The following EDC3 variants were observed in gnomAD, a reference collection of about 807,000 sequenced individuals.
The protein encoded by EDC3 is enhancer of mRNA decapping 3.
In EDC3, 20 loss-of-function variants were observed where a neutral mutation model predicts 41.8. The ratio of observed to expected loss-of-function variants is 0.48; its 90% CI spans 0.34 to 0.70. The LOEUF is 0.70. Ranked by LOEUF, EDC3 falls within the 30% of genes least tolerant of loss-of-function variation. EDC3 has a pLI of 0.01. For synonymous variants in EDC3, 206 were observed against 243.2 expected (o/e 0.85, Z 1.42); for missense variants, 444 against 636.8 (o/e 0.70, Z 3.26).
chr15:74,639,503 A>G (rs941790833), intron 5 of EDC3: 1 of 152,204 alleles, frequency 6.6e-6, no homozygotes, highest in African/African-American at 2.4e-5. Flanking sequence ...ACCTGAGGCC[A>G]AGAGTTTGGG....
chr15:74,669,531 T>C (rs1870771473), intron 3 of EDC3, among the ~76,000 whole-genome samples: 1 of 149,428 alleles, frequency 6.7e-6, no homozygotes, highest in South Asian at 2.1e-4. Flanking sequence ...AAAAAATTAG[T>C]TTTAATTTAG....
intron 4 of EDC3, among the ~76,000 whole-genome samples, chr15:74,651,513 A>G (rs1446860109): frequency 6.6e-6 from 1 of 152,260 alleles, no homozygotes; most frequent in Non-Finnish European, 1.5e-5. Context: ...AGTGAATAAT[A>G]GCTTATGTAC....
intron 3 of EDC3, among the ~76,000 whole-genome samples, chr15:74,662,345 A>C (rs1692000764): frequency 6.6e-6 from 1 of 152,106 alleles, no homozygotes; most frequent in Admixed American, 6.6e-5. Context: ...TGTCATTCAT[A>C]CCTGTCACCC....
At chr15:74,675,970 G>A (rs1294920790) in intron 1 of EDC3, among the ~76,000 whole-genome samples, 1 of 151,914 alleles carries the variant, frequency 6.6e-6, no homozygotes, top group Non-Finnish European at 1.5e-5. Context: ...TCCTTTTCAA[G>A]TCTACATAGA....
chr15:74,672,453 A>C, intron 2 of EDC3, among the ~76,000 whole-genome samples: 2 of 152,130 alleles, frequency 1.3e-5, no homozygotes. Flanking sequence ...GTATATAGAG[A>C]TGAAAACCAC....
At chr15:74,656,498 C>T (rs1288661321) in intron 3 of EDC3, among the ~76,000 whole-genome samples, 2 of 151,942 alleles carry the variant, frequency 1.3e-5, no homozygotes, top group East Asian at 1.9e-4. Context: ...AAGCAGTACT[C>T]CTGGAAATCT....
chr15:74,694,083 T>G (rs1036661663), intron 1 of EDC3, among the ~76,000 whole-genome samples: 2 of 152,208 alleles, frequency 1.3e-5, no homozygotes, highest in Admixed American at 1.3e-4. Context: ...TTGGATGTCC[T>G]GTCCTGTTGT....
At chr15:74,670,879 A>G (rs944595275) in intron 3 of EDC3, among the ~76,000 whole-genome samples, 81 of 152,338 alleles carry the variant, frequency 5.3e-4, no homozygotes, top group African/African-American at 1.8e-3. Context: ...AGAAAATCAA[A>G]GATCACAGAG....
chr15:74,654,880 T>C (rs2062526905), intron 4 of EDC3, among the ~76,000 whole-genome samples: 1 of 152,240 alleles, frequency 6.6e-6, no homozygotes, highest in Admixed American at 6.5e-5. Flanking sequence ...AAGATTTATA[T>C]TCCTTATATT....
intron 5 of EDC3, chr15:74,636,267 C>T (rs914874965): frequency 6.5e-6 from 1 of 154,106 alleles, no homozygotes; most frequent in African/African-American, 2.4e-5. Flanking sequence ...GAAAGCAATG[C>T]TGCAGGCATT....
At chr15:74,648,517 T>C (rs2062443020) in intron 4 of EDC3, among the ~76,000 whole-genome samples, 1 of 152,160 alleles carries the variant, frequency 6.6e-6, no homozygotes. Context: ...AACAAATCAT[T>C]TGTGGCTTCA....
At chr15:74,676,342 T>TA (rs532635604) in intron 1 of EDC3, among the ~76,000 whole-genome samples, 25 of 151,890 alleles carry the variant, frequency 1.6e-4, no homozygotes, top group Middle Eastern at 3.4e-3. Flanking sequence ...TAAGTATTAG[T>TA]AAAAAAAGAA....
At chr15:74,650,099 T>C (rs1404753377) in intron 4 of EDC3, among the ~76,000 whole-genome samples, 1 of 152,214 alleles carries the variant, frequency 6.6e-6, no homozygotes, top group South Asian at 2.1e-4. Context: ...AACTACATCA[T>C]GAGCATGACT....
chr15:74,676,033 A>G (rs1024772587), intron 1 of EDC3, among the ~76,000 whole-genome samples: 4 of 152,222 alleles, frequency 2.6e-5, no homozygotes, highest in Admixed American at 2.6e-4. Flanking sequence ...ATTTAAAAAG[A>G]CTGAGATCAC....
chr15:74,672,373 G>A (rs1472343203), intron 2 of EDC3, among the ~76,000 whole-genome samples: 1 of 150,962 alleles, frequency 6.6e-6, no homozygotes, highest in African/African-American at 2.4e-5. Flanking sequence ...TCACTCCCTC[G>A]CTCATTCAAC....
At chr15:74,673,204 A>C (rs1018625198) in intron 2 of EDC3, among the ~76,000 whole-genome samples, 2 of 152,188 alleles carry the variant, frequency 1.3e-5, no homozygotes, top group African/African-American at 4.8e-5. Flanking sequence ...CAGTGGTACC[A>C]GTTAGAAGAC....
chr15:74,679,410 C>T (rs1318189149), intron 1 of EDC3, among the ~76,000 whole-genome samples: 1 of 152,028 alleles, frequency 6.6e-6, no homozygotes, highest in Non-Finnish European at 1.5e-5. Flanking sequence ...TAGGTCCCTA[C>T]TCCTAGAATG....
chr15:74,680,990 A>G (rs147835969), intron 1 of EDC3, among the ~76,000 whole-genome samples: 95 of 152,326 alleles, frequency 6.2e-4, no homozygotes, highest in African/African-American at 2.1e-3. Context: ...AATATAACAG[A>G]TATAACATGT....
chr15:74,649,855 A>C (rs2062460315), intron 4 of EDC3, among the ~76,000 whole-genome samples: 1 of 120,248 alleles, frequency 8.3e-6, no homozygotes. Context: ...GCAGGAGGGA[A>C]AAAAAGGGGG....
Sources: allele counts gnomAD v4.1 joint callset (sites outside exome capture counted in the v4.1 genomes callset), GRCh38; gene constraint gnomAD v4.1.1; transcripts MANE v1.5; gene names NCBI Gene and HGNC (gene_info 2026-07-23, HGNC 2026-07-21).